Variants in SLCO1B1 observed in about 807,000 individuals in gnomAD.
SLCO1B1 encodes the protein OATP-2.
SLCO1B1 carries 81 observed loss-of-function variants against 70.1 expected under a neutral mutation model. The observed-to-expected ratio is 1.16, with a 90% CI of 0.97 to 1.39. The LOEUF is 1.39. Ranked by LOEUF, SLCO1B1 falls within the 40% of genes most tolerant of loss-of-function variation. SLCO1B1 has a pLI of 0.00. For missense variants in SLCO1B1, 895 were observed against 799.6 expected (o/e 1.12, Z -1.44); for synonymous variants, 283 against 271.5 (o/e 1.04, Z -0.42).
chr12:21,134,355 G>C (rs568648684), intron 1 of SLCO1B1, among the ~76,000 whole-genome samples: 1 of 152,292 alleles, frequency 6.6e-6, no homozygotes, highest in East Asian at 1.9e-4. Context: ...CATAAAATGA[G>C]TTAGGGAGGA....
At chr12:21,138,362 C>A (rs1221316140) in intron 1 of SLCO1B1, among the ~76,000 whole-genome samples, 2 of 152,098 alleles carry the variant, frequency 1.3e-5, no homozygotes, top group African/African-American at 4.8e-5. Flanking sequence ...GCCTATGGTT[C>A]TATCTTATAA....
intron 2 of SLCO1B1, among the ~76,000 whole-genome samples, chr12:21,147,997 A>G (rs1189499335): frequency 1.3e-5 from 2 of 152,164 alleles, no homozygotes; most frequent in African/African-American, 4.8e-5. Context: ...TTGGCCACAT[A>G]AATGTCTTAT....
intron 2 of SLCO1B1, among the ~76,000 whole-genome samples, chr12:21,157,600 ATTTT>A (rs533368425): frequency 7.3e-6 from 1 of 136,800 alleles, no homozygotes. Flanking sequence ...AGACTGTAAA[ATTTT>A]TTTTTTTTTT....
intron 14 of SLCO1B1, among the ~76,000 whole-genome samples, chr12:21,230,693 C>T (rs898976676): frequency 6.6e-6 from 1 of 152,030 alleles, no homozygotes; most frequent in South Asian, 2.1e-4. Context: ...ATGCTAGCCT[C>T]ACAGAATGAA....
Position 21,222,372 on chromosome 12 carries a change from GAAAAAAAA to G in SLCO1B1, c.1747+27_1747+34del, listed in dbSNP as rs4149102. The G allele has an allele frequency of 3.3e-3, 81 of 24,912 alleles. No homozygotes were observed. The highest frequency in any genetic ancestry group is 0.02 in the African/African-American group (66 of 3,222). 1.5% of individuals were successfully genotyped at this position (24,912 alleles called of 1,614,324 possible). A position where few individuals can be genotyped will look rare whatever the true frequency, so the allele number is the denominator to read the frequency against. Reference sequence around the variant, plus strand: ...TGGTTATACGAGCACTAGGTATGATGAAAAAAAAAAAAAAAAAAAAAAAAAATATATAT... The same window carrying G: ...TGGTTATACGAGCACTAGGTATGATGAAAAAAAAAAAAAAAAAATATATAT... On this transcript the variant is annotated intron_variant, in intron 13 of 14. Coordinates refer to ENST00000256958, the MANE Select transcript of SLCO1B1 (RefSeq NM_006446.5).
At chr12:21,215,167 A>G (rs1941343516) in intron 11 of SLCO1B1, among the ~76,000 whole-genome samples, 1 of 152,084 alleles carries the variant, frequency 6.6e-6, no homozygotes, top group African/African-American at 2.4e-5. Context: ...TCAGTGTTTT[A>G]TTTCTGTCTC....
chr12:21,157,349 C>T (rs1940555703), intron 2 of SLCO1B1, among the ~76,000 whole-genome samples: 1 of 151,944 alleles, frequency 6.6e-6, no homozygotes, highest in Non-Finnish European at 1.5e-5. Context: ...TAGAAACCTA[C>T]ATGAAATAAA....
At chr12:21,160,367 G>A (rs917841356) in intron 2 of SLCO1B1, among the ~76,000 whole-genome samples, 6 of 151,686 alleles carry the variant, frequency 4.0e-5, no homozygotes, top group African/African-American at 1.5e-4. Flanking sequence ...ACAAAAACAA[G>A]CAATGGGGAA....
chr12:21,151,651 C>T (rs545983444), intron 2 of SLCO1B1, among the ~76,000 whole-genome samples: 1 of 152,176 alleles, frequency 6.6e-6, no homozygotes, highest in South Asian at 2.1e-4. Context: ...ATTATTTTAT[C>T]TTTCTGTAAA....
At chr12:21,164,265 G>T (rs1248621363) in intron 2 of SLCO1B1, among the ~76,000 whole-genome samples, 3 of 152,068 alleles carry the variant, frequency 2.0e-5, no homozygotes, top group Non-Finnish European at 4.4e-5. Context: ...TTCGACTTGT[G>T]AAAAGATGAT....
chr12:21,214,246 G>A (rs1941326718), intron 11 of SLCO1B1, among the ~76,000 whole-genome samples: 1 of 152,010 alleles, frequency 6.6e-6, no homozygotes, highest in African/African-American at 2.4e-5. Flanking sequence ...TTTCGGTGTG[G>A]ATGTCGTTTC....
intron 14 of SLCO1B1, among the ~76,000 whole-genome samples, chr12:21,228,330 T>C (rs988148814): frequency 1.3e-5 from 2 of 152,242 alleles, no homozygotes; most frequent in South Asian, 4.1e-4. Flanking sequence ...GAATTCTAAA[T>C]TGACAACTAT....
rs995102799 is a variant in SLCO1B1, at chr12:21,239,099, A to G, written c.1986A>G (p.Gly662=). 4 of 1,610,748 alleles carry G rather than the reference A, an allele frequency of 2.5e-6. No homozygotes were observed. The highest frequency in any genetic ancestry group is 3.4e-6 in the Non-Finnish European group (4 of 1,177,472). Residue 662 remains glycine (G), a synonymous_variant, in exon 15 of 15, where the codon GGA becomes GGG. Coordinates refer to ENST00000256958, the MANE Select transcript of SLCO1B1 (RefSeq NM_006446.5). The part of the protein sequence containing the change: ...QEKDINASEN[G]SVMDEANLES... ...AAGATATCAATGCATCAGAAAATGG[A>G]AGTGTCATGGATGAAGCAAACTTAG...
rs1309764512 is a variant in SLCO1B1 at position 21,158,530 on chromosome 12, CT to C, written c.85-14119del. ...CCAACATAGTGAAACCCCATCTCTA[CT>C]AAAAATACAAAAATTAGCCAGGTGT... On this transcript the variant is annotated intron_variant, in intron 2 of 14. Transcript: ENST00000256958. 5.3e-5 allele frequency among the ~76,000 whole-genome samples: 8 copies of C among 152,122 alleles called. No individual in the cohort carries two copies. In the East Asian group the frequency reaches 1.4e-3, roughly 26 times the overall value.
At chr12:21,195,708 G>C (rs1284646509) in intron 7 of SLCO1B1, among the ~76,000 whole-genome samples, 2 of 152,028 alleles carry the variant, frequency 1.3e-5, no homozygotes, top group Non-Finnish European at 2.9e-5. Flanking sequence ...TTTTTAACTT[G>C]GTCATTCTGC....
intron 9 of SLCO1B1, among the ~76,000 whole-genome samples, chr12:21,201,251 T>C (rs1388286203): frequency 1.3e-5 from 2 of 152,068 alleles, no homozygotes; most frequent in South Asian, 2.1e-4. Flanking sequence ...AAATTCAATA[T>C]AAATATATGA....
At chr12:21,219,012 T>C (rs539065053) in intron 12 of SLCO1B1, among the ~76,000 whole-genome samples, 2 of 152,356 alleles carry the variant, frequency 1.3e-5, no homozygotes, top group African/African-American at 2.4e-5. Flanking sequence ...TCATTTTTTA[T>C]GTCAGGCATA....
chr12:21,160,504 A>G (rs1940604631), intron 2 of SLCO1B1, among the ~76,000 whole-genome samples: 1 of 152,110 alleles, frequency 6.6e-6, no homozygotes, highest in African/African-American at 2.4e-5. Context: ...AAGGAAAAAA[A>G]AAATCAACTC....
intron 11 of SLCO1B1, among the ~76,000 whole-genome samples, chr12:21,214,484 T>A (rs1463546659): frequency 6.7e-6 from 1 of 150,168 alleles, no homozygotes; most frequent in East Asian, 2.0e-4. Flanking sequence ...ACAGGGACAT[T>A]TAAGTCTGCA....
Sources: allele counts gnomAD v4.1 joint callset (sites outside exome capture counted in the v4.1 genomes callset), GRCh38; gene constraint gnomAD v4.1.1; transcripts MANE v1.5; gene names NCBI Gene and HGNC (gene_info 2026-07-23, HGNC 2026-07-21).